The following CDK18 variants were observed in gnomAD, a reference collection of about 807,000 sequenced individuals.
The protein encoded by CDK18 is cyclin-dependent kinase 18.
In CDK18, 52 loss-of-function variants were observed where a neutral mutation model predicts 62.0. The ratio of observed to expected loss-of-function variants is 0.84; its 90% CI spans 0.67 to 1.06. CDK18 has a LOEUF of 1.06. Ranked by LOEUF, CDK18 falls within the 50% of genes least tolerant of loss-of-function variation. The pLI, the probability that CDK18 is intolerant of heterozygous loss-of-function variation, is 0.00. For missense variants in CDK18, 604 were observed against 619.9 expected, an observed-to-expected ratio of 0.97 and a Z score of 0.27; for synonymous variants, 237 against 247.0, an observed-to-expected ratio of 0.96 and a Z score of 0.38.
chr1:205,506,999 C>A (rs540209556), intron 1 of CDK18, among the ~76,000 whole-genome samples: 1 of 152,190 alleles, frequency 6.6e-6, no homozygotes. Context: ...CGGACTCTGT[C>A]CTCTGCCTAC....
In CDK18 at chr1:205,516,491, C is replaced by T. The variant is rs1269389265; in HGVS notation, c.-21-6656C>T. Among the ~76,000 whole-genome samples, 1 of 152,054 alleles carries T rather than the reference C, an allele frequency of 6.6e-6. No homozygotes were observed. Among genetic ancestry groups the T allele is most frequent in the Non-Finnish European group, 1.5e-5 (1 of 68,010 alleles). On this transcript the variant is annotated intron_variant, in intron 1 of 15. Transcript: ENST00000429964. The surrounding 1 kb of genome is among the most constrained non-coding windows in gnomAD (Gnocchi z 4.8). ...GACCAAGATTGAAAAGAAAAGCAAA[C>T]AAAACAAAAAGAGGGACTTGGGGAT...
chr1:205,526,390 C>T lies in CDK18; in HGVS notation c.595C>T (p.His199Tyr). The T allele has an allele frequency of 1.2e-6, 2 of 1,614,118 alleles. No individual in the cohort carries two copies. Among genetic ancestry groups the T allele is most frequent in the Non-Finnish European group, 1.7e-6 (2 of 1,179,972 alleles). Residue 199 changes from histidine to tyrosine, a missense_variant, in exon 7 of 16, where the codon CAC becomes TAC. By Grantham distance (83) the His-to-Tyr change is moderately conservative (BLOSUM62 2). Coordinates refer to ENST00000429964, the MANE Select transcript of CDK18 (RefSeq NM_212502.3). ...AGTGTCTCTGCTGAAGAACCTGAAG[C>T]ACGCCAATATTGTGACCCTGCATGA... ...REVSLLKNLK[H>Y]ANIVTLHDLI...
chr1:205,530,764 C>A, intron 15 of CDK18, 59 bp downstream of exon 15: 2 of 1,436,452 alleles, frequency 1.4e-6, no homozygotes. Flanking sequence ...GAGCAGGCGA[C>A]CCCTCCCCAG....
chr1:205,513,314 C>A (rs1364494253), intron 1 of CDK18, among the ~76,000 whole-genome samples: 1 of 152,154 alleles, frequency 6.6e-6, no homozygotes, highest in African/African-American at 2.4e-5. Context: ...GGAGGCCAGG[C>A]CTATCCTGGC....
chr1:205,526,264 A>G (rs2297837), intron 6 of CDK18, 85 bp downstream of exon 6: 1,396,838 of 1,463,510 alleles, frequency 0.95, 667,914 homozygotes, highest in South Asian at 0.98. Flanking sequence ...AGCTGGGGGT[A>G]GAGGATCATT....
Position 205,528,027 on chromosome 1 carries a change from C to T in CDK18, c.854-21C>T, listed in dbSNP as rs770982843. 1 of 1,614,018 alleles carries T rather than the reference C, an allele frequency of 6.2e-7. No individual in the cohort carries two copies. Among genetic ancestry groups the T allele is most frequent in the Non-Finnish European group, 8.5e-7 (1 of 1,179,928 alleles). ...CCCACAGCACCTGTGGACAGAGGTC[C>T]AGTGACATGTCTGCCCCCAGGACTG... On this transcript the variant is annotated intron_variant, in intron 9 of 15. Coordinates refer to ENST00000429964, the MANE Select transcript of CDK18 (RefSeq NM_212502.3). This position sits in a 1 kb window ranked among gnomAD's most constrained non-coding sequence, Gnocchi z 4.2.
rs539042556 is a variant in CDK18, at chr1:205,511,209, G to A, written c.-22+6413G>A. ...AGTCAAAAGAAGAAAATAAAGTTTT[G>A]TGACCCTTAAACATTTTATAAAATT... On this transcript the variant is annotated intron_variant, in intron 1 of 15. Transcript: ENST00000429964. Among the ~76,000 whole-genome samples the A allele has an allele frequency of 2.6e-5, 4 of 152,330 alleles. No individual in the cohort carries two copies. In the South Asian group the frequency reaches 8.3e-4, roughly 32 times the overall value.
intron 1 of CDK18, among the ~76,000 whole-genome samples, chr1:205,505,766 C>A (rs573542916): frequency 6.6e-6 from 1 of 152,064 alleles, no homozygotes; most frequent in African/African-American, 2.4e-5. Context: ...TCAGCACCCT[C>A]CTAGGCACCA....
rs41308381 is a variant in CDK18, at chr1:205,532,234, G to A, written c.*856G>A. On this transcript the variant is annotated 3_prime_UTR_variant, in exon 16 of 16. Coordinates refer to ENST00000429964, the MANE Select transcript of CDK18 (RefSeq NM_212502.3). Reference sequence around the variant, plus strand: ...GGCTCCTGCCTGTCCACCCCTTCCCGAGGTGGCTCCTGCTTACCTTATCAT... The same window carrying A: ...GGCTCCTGCCTGTCCACCCCTTCCCAAGGTGGCTCCTGCTTACCTTATCAT... 0.011 allele frequency: 1,663 copies of A among 152,848 alleles called. 21 individuals are homozygous for A. The highest frequency in any genetic ancestry group is 0.064 in the Middle Eastern group (19 of 296). 9.5% of individuals were successfully genotyped at this position (152,848 alleles called of 1,614,324 possible).
intron 7 of CDK18, 57 bp downstream of exon 7, chr1:205,526,518 G>T: frequency 7.2e-7 from 1 of 1,393,404 alleles, no homozygotes; most frequent in Middle Eastern, 1.8e-4. Context: ...ACGGGGTGTG[G>T]GTAGGGGAGT....
chr1:205,523,493 C>A lies in CDK18; in HGVS notation c.141C>A (p.Leu47=), dbSNP rs200845295. The change falls in exon 3 of 16, where the codon CTC becomes CTA. Residue 47 remains leucine, a synonymous_variant. Coordinates refer to ENST00000429964, the MANE Select transcript of CDK18 (RefSeq NM_212502.3). ...GCCTGTCCCTCTTAGACTTGCAGCTCGGTCCTCTTGGCAGAGACCCCCCGC... is the reference window on the plus strand; with the variant it reads ...GCCTGTCCCTCTTAGACTTGCAGCTAGGTCCTCTTGGCAGAGACCCCCCGC... ...LHNRRNENLQ[L]GPLGRDPPQE... 4 of 1,602,990 alleles carry A rather than the reference C, an allele frequency of 2.5e-6. No homozygotes were observed. The Admixed American group carries it at 5.1e-5, about 20-fold the overall frequency.
At position 205,529,774 on chromosome 1, in the gene CDK18, C is replaced by A. The variant is rs777534951; in HGVS notation, c.1221+211C>A. On this transcript the variant is annotated intron_variant, in intron 13 of 15. Coordinates refer to ENST00000429964, the MANE Select transcript of CDK18 (RefSeq NM_212502.3). ...CTGCGAGCCCAAACCCGTTACTTAG[C>A]TGTGTAGCTCTGGGCAAGTTACAGA... 19 of 1,501,314 alleles carry A rather than the reference C, an allele frequency of 1.3e-5. No homozygotes were observed. The South Asian group carries it at 2.1e-4, about 16-fold the overall frequency. 93.0% of individuals were successfully genotyped at this position (1,501,314 alleles called of 1,614,324 possible). A position where few individuals can be genotyped will look rare whatever the true frequency, so the allele number is the denominator to read the frequency against.
At chr1:205,529,187 C>A in intron 11 of CDK18, 91 bp downstream of exon 11, 2 of 1,361,778 alleles carry the variant, frequency 1.5e-6, no homozygotes, top group South Asian at 2.6e-5. Flanking sequence ...AGGAGCGGCT[C>A]GGCCGCCTCT....
intron 13 of CDK18, 90 bp from the exon 14 acceptor site, chr1:205,530,169 C>T: frequency 3.2e-6 from 5 of 1,579,630 alleles, no homozygotes; most frequent in South Asian, 1.1e-5. Context: ...CCTCACCCAC[C>T]TTGGTGCTCT....
At position 205,527,174 on chromosome 1, in the gene CDK18, C is replaced by G; in HGVS notation, c.729+337C>G. ...GGAAGCTCGGGGTTATGAATGACCT[C>G]TCCTGGTGTTTGTTAAAGAATCAAG... On this transcript the variant is annotated intron_variant, in intron 8 of 15. Transcript: ENST00000429964. The surrounding 1 kb of genome is among the most constrained non-coding windows in gnomAD (Gnocchi z 4.1). The G allele has an allele frequency of 3.1e-6, 1 of 318,594 alleles. No individual in the cohort carries two copies. The highest frequency in any genetic ancestry group is 5.9e-6 in the Non-Finnish European group (1 of 170,656). 19.7% of individuals were successfully genotyped at this position (318,594 alleles called of 1,614,324 possible).
In CDK18 at chr1:205,527,347, C is replaced by T. The variant is rs1197948524; in HGVS notation, c.730-447C>T. The T allele has an allele frequency of 5.4e-5, 12 of 223,962 alleles. No individual in the cohort carries two copies. The highest frequency in any genetic ancestry group is 2.1e-4 in the South Asian group (3 of 14,014). 13.9% of individuals were successfully genotyped at this position (223,962 alleles called of 1,614,324 possible). A position where few individuals can be genotyped will look rare whatever the true frequency, so the allele number is the denominator to read the frequency against. ...TTGAAAAATTAGCCGGGCACAGTAG[C>T]GTGCACCCATAGTCCCAGCTGCTTG... On this transcript the variant is annotated intron_variant, in intron 8 of 15. Coordinates refer to ENST00000429964, the MANE Select transcript of CDK18 (RefSeq NM_212502.3). This position sits in a 1 kb window ranked among gnomAD's most constrained non-coding sequence, Gnocchi z 4.1.
intron 1 of CDK18, among the ~76,000 whole-genome samples, chr1:205,521,933 G>A (rs1288787617): frequency 1.3e-5 from 2 of 152,232 alleles, no homozygotes; most frequent in African/African-American, 2.4e-5. Context: ...TAACAGCTGG[G>A]AGCGGGTGCA....
In CDK18 at chr1:205,527,040, G is replaced by A. The variant is rs1417544482; in HGVS notation, c.729+203G>A. On this transcript the variant is annotated intron_variant, in intron 8 of 15. Transcript: ENST00000429964. This position sits in a 1 kb window ranked among gnomAD's most constrained non-coding sequence, Gnocchi z 4.1. ...CCCCAAGAACAGACACACACTGTCT[G>A]CCACTGTCTAGCTGTTGGTATAAAA... 2 of 588,164 alleles carry A rather than the reference G, an allele frequency of 3.4e-6. No homozygotes were observed. The highest frequency in any genetic ancestry group is 6.1e-6 in the Non-Finnish European group (2 of 327,160). 36.4% of individuals were successfully genotyped at this position (588,164 alleles called of 1,614,324 possible).
In CDK18 at chr1:205,527,835, C is replaced by T. The variant is rs1668517653; in HGVS notation, c.771C>T (p.His257=). 1.2e-6 allele frequency: 2 copies of T among 1,614,064 alleles called. No individual in the cohort carries two copies. Among genetic ancestry groups the T allele is most frequent in the Non-Finnish European group, 1.7e-6 (2 of 1,179,944 alleles). Residue 257 remains histidine, a synonymous_variant, in exon 9 of 16, where the codon CAC becomes CAT. Coordinates refer to ENST00000429964, the MANE Select transcript of CDK18 (RefSeq NM_212502.3). The surrounding 1 kb of genome is among the most constrained non-coding windows in gnomAD (Gnocchi z 4.1). ...TGCTCCGGGGCCTCGCCTACTGTCA[C>T]CACCGCAAGATCCTGCACCGGGACC... is the stretch of plus-strand genomic sequence containing the variant. ...FQLLRGLAYC[H]HRKILHRDLK... is the part of the protein sequence containing the mutation.
Sources: allele counts gnomAD v4.1 joint callset (sites outside exome capture counted in the v4.1 genomes callset), GRCh38; gene constraint gnomAD v4.1.1; non-coding constraint Gnocchi (gnomAD v3.1); transcripts MANE v1.5; gene names NCBI Gene and HGNC (gene_info 2026-07-23, HGNC 2026-07-21).